Variants in ZFHX3 observed in about 807,000 individuals in gnomAD.
ZFHX3 encodes the protein zinc finger homeobox 3.
Under a neutral mutation model 279.1 loss-of-function variants are expected in ZFHX3, and 42 were observed. The observed-to-expected ratio is 0.15, with a 90% CI of 0.12 to 0.19. The LOEUF (loss-of-function observed/expected upper bound fraction) is 0.19, where lower values mean the gene tolerates loss of function less well. ZFHX3 is among the 10% of genes least tolerant of loss of function. The pLI is 1.00. For synonymous variants in ZFHX3, 2,293 were observed against 1,957.8 expected, an observed-to-expected ratio of 1.17 and a Z score of -4.52; for missense variants, 4,981 against 4,754.0, an observed-to-expected ratio of 1.05 and a Z score of -1.40.
At chr16:73,150,597 A>AT (rs1966917164) in intron 5 of ZFHX3, among the ~76,000 whole-genome samples, 1 of 152,258 alleles carries the variant, frequency 6.6e-6, no homozygotes, top group African/African-American at 2.4e-5. Context: ...GGATATAAAC[A>AT]TAAAAGCATG....
chr16:73,043,858 AAATC>A (rs1965201824), intron 1 of ZFHX3, among the ~76,000 whole-genome samples: 1 of 152,242 alleles, frequency 6.6e-6, no homozygotes, highest in African/African-American at 2.4e-5. Context: ...AGTCAACTTT[AAATC>A]ATAGAGAAAA....
chr16:73,651,784 G>T (rs2142166284), intron 2 of ZFHX3, among the ~76,000 whole-genome samples: 1 of 147,644 alleles, frequency 6.8e-6, no homozygotes, highest in East Asian at 2.0e-4. Context: ...GAACCCGGAA[G>T]GCAGAGCGAG....
At chr16:73,038,444 T>A (rs1211294083) in intron 1 of ZFHX3, among the ~76,000 whole-genome samples, 1 of 152,168 alleles carries the variant, frequency 6.6e-6, no homozygotes, top group African/African-American at 2.4e-5. Context: ...CGACCTGACG[T>A]CATGGCTGCA....
At chr16:72,800,928 C>T (rs1252121163) in intron 7 of ZFHX3, among the ~76,000 whole-genome samples, 1 of 152,188 alleles carries the variant, frequency 6.6e-6, no homozygotes, top group Non-Finnish European at 1.5e-5. Context: ...CGCCTGGATC[C>T]AAACAGCTGC....
chr16:73,173,651 A>C (rs758067232), intron 5 of ZFHX3, among the ~76,000 whole-genome samples: 6 of 152,044 alleles, frequency 3.9e-5, no homozygotes, highest in Non-Finnish European at 7.4e-5. Flanking sequence ...TATCCATGCA[A>C]CTCAGAGGCG....
chr16:73,401,408 C>T (rs1046643989), intron 3 of ZFHX3: 8 of 29,598 alleles, frequency 2.7e-4, no homozygotes, highest in South Asian at 1.8e-3. Context: ...ACACACACAC[C>T]TCAAAAGCCC....
intron 3 of ZFHX3, among the ~76,000 whole-genome samples, chr16:73,405,856 T>A (rs1381083816): frequency 6.6e-6 from 1 of 152,258 alleles, no homozygotes; most frequent in African/African-American, 2.4e-5. Context: ...AGATTTATGT[T>A]CATTTGGAAT....
intron 2 of ZFHX3, among the ~76,000 whole-genome samples, chr16:73,475,028 G>A (rs1344279450): frequency 1.1e-4 from 16 of 152,032 alleles, no homozygotes; most frequent in Admixed American, 1.0e-3. Flanking sequence ...CTGTCTCTTG[G>A]GATTCCTCAT....
Position 73,863,214 on chromosome 16 carries a change from C to CAAATAAAT in ZFHX3, c.-1608+28429_-1608+28436dup, listed in dbSNP as rs921558890. On this transcript the variant is annotated intron_variant, in intron 1 of 17. Coordinates refer to the ZFHX3 transcript ENST00000641206. The stretch of plus-strand genomic sequence containing the variant: ...GAGCGAGACTCCGTCTCAAAATAAA[C>CAAATAAAT]AAATAAATAAATAAATAAATAAATT... Among the ~76,000 whole-genome samples, 3 of 152,064 alleles carry CAAATAAAT rather than the reference C, an allele frequency of 2.0e-5. No homozygotes were observed. The South Asian group carries it at 6.2e-4, about 32-fold the overall frequency.
chr16:72,829,898 A>C, intron 4 of ZFHX3, 39 bp from the exon 5 acceptor site: 2 of 1,611,596 alleles, frequency 1.2e-6, no homozygotes, highest in Non-Finnish European at 1.7e-6. Context: ...TTAAAAATAA[A>C]AAGAAGATGA....
At chr16:73,451,900 T>C (rs2018286868) in intron 3 of ZFHX3, among the ~76,000 whole-genome samples, 1 of 152,196 alleles carries the variant, frequency 6.6e-6, no homozygotes, top group Non-Finnish European at 1.5e-5. Context: ...ACTTTCTTCT[T>C]GAAAAATATC....
At chr16:72,997,362 A>C (rs948707140) in intron 1 of ZFHX3, among the ~76,000 whole-genome samples, 14 of 152,162 alleles carry the variant, frequency 9.2e-5, no homozygotes, top group African/African-American at 3.4e-4. Flanking sequence ...AAGGTCCCAC[A>C]GTTGAGCAAT....
At chr16:73,452,823 A>T (rs879392595) in intron 3 of ZFHX3, among the ~76,000 whole-genome samples, 1 of 152,266 alleles carries the variant, frequency 6.6e-6, no homozygotes, top group Admixed American at 6.5e-5. Context: ...GTTATTACAA[A>T]GTGCTGCCTT....
chr16:72,784,461 T>C lies in ZFHX3; in HGVS notation c.*2703A>G, dbSNP rs1215198790. The stretch of plus-strand genomic sequence containing the variant: ...GCTAGTGTTACATTGTTAACTGATA[T>C]CACATAGAGAACCAAAAACAAAAAC... On this transcript the variant is annotated 3_prime_UTR_variant, in exon 10 of 10. Transcript: ENST00000268489. The C allele has an allele frequency of 1.3e-5, 2 of 152,340 alleles. No homozygotes were observed. The highest frequency in any genetic ancestry group is 2.9e-5 in the Non-Finnish European group (2 of 67,988). The allele number at this position is 152,340 out of a possible 1,614,324, so 9.4% of individuals were successfully genotyped here.
intron 5 of ZFHX3, among the ~76,000 whole-genome samples, chr16:72,823,606 A>T (rs2036855748): frequency 6.6e-6 from 1 of 152,244 alleles, no homozygotes; most frequent in African/African-American, 2.4e-5. Context: ...TGAGCCTTTT[A>T]TCCAGGGTAT....
intron 3 of ZFHX3, among the ~76,000 whole-genome samples, chr16:72,924,714 G>A (rs1006704065): frequency 6.6e-6 from 1 of 152,230 alleles, no homozygotes; most frequent in Non-Finnish European, 1.5e-5. Context: ...TCTGCTGTCA[G>A]TGTGTTAATG....
intron 2 of ZFHX3, among the ~76,000 whole-genome samples, chr16:73,514,689 C>G (rs2019490016): frequency 6.6e-6 from 1 of 152,196 alleles, no homozygotes; most frequent in South Asian, 2.1e-4. Flanking sequence ...GAACCTCTGC[C>G]TTAGTGACCA....
chr16:72,950,267 A>G (rs1280879164), intron 3 of ZFHX3, among the ~76,000 whole-genome samples: 1 of 152,094 alleles, frequency 6.6e-6, no homozygotes, highest in Non-Finnish European at 1.5e-5. Context: ...CAGCTAGTCA[A>G]GCTACTCACT....
chr16:73,222,186 T>C (rs920428064), intron 5 of ZFHX3, among the ~76,000 whole-genome samples: 2 of 152,124 alleles, frequency 1.3e-5, no homozygotes, highest in South Asian at 2.1e-4. Flanking sequence ...GAATAATCTC[T>C]CCTGATATGA....
Sources: allele counts gnomAD v4.1 joint callset (sites outside exome capture counted in the v4.1 genomes callset), GRCh38; gene constraint gnomAD v4.1.1; transcripts MANE v1.5; gene names NCBI Gene and HGNC (gene_info 2026-07-23, HGNC 2026-07-21).